The following TCF4 variants were observed in gnomAD, a reference collection of about 807,000 sequenced individuals.
The protein encoded by TCF4 is SL3-3 enhancer factor 2.
Under a neutral mutation model 82.1 loss-of-function variants are expected in TCF4, and 3 were observed. The ratio of observed to expected loss-of-function variants is 0.04; its 90% confidence interval spans 0.02 to 0.09. The LOEUF is 0.09. Ranked by LOEUF, TCF4 falls within the 10% of genes least tolerant of loss-of-function variation. The probability of loss-of-function intolerance (pLI) is 1.00; values close to 1 mark genes in which losing one functional copy is unlikely to be tolerated. For synonymous variants in TCF4, 276 were observed against 309.6 expected, an observed-to-expected ratio of 0.89 and a Z score of 1.14; for missense variants, 518 against 852.7, an observed-to-expected ratio of 0.61 and a Z score of 4.89.
intron 3 of TCF4, among the ~76,000 whole-genome samples, chr18:55,581,218 A>T (rs2147780291): frequency 6.6e-6 from 1 of 152,188 alleles, no homozygotes; most frequent in South Asian, 2.1e-4. Flanking sequence ...GACAGCAGTG[A>T]GACCAAGGTT....
chr18:55,514,625 G>T (rs1429323381), intron 3 of TCF4, among the ~76,000 whole-genome samples: 1 of 152,130 alleles, frequency 6.6e-6, no homozygotes, highest in Non-Finnish European at 1.5e-5. Flanking sequence ...TGTTCTTACA[G>T]GTTCATCACA....
chr18:55,479,049 A>G (rs1031459261), intron 3 of TCF4, among the ~76,000 whole-genome samples: 2 of 151,896 alleles, frequency 1.3e-5, no homozygotes, highest in East Asian at 2.0e-4. Flanking sequence ...TTGCATTAAC[A>G]TTTTCCCTTT....
intron 8 of TCF4, among the ~76,000 whole-genome samples, chr18:55,333,817 C>T (rs768578285): frequency 1.3e-5 from 2 of 152,148 alleles, no homozygotes; most frequent in Non-Finnish European, 2.9e-5. Flanking sequence ...TGTTTTTGCT[C>T]TCTGTTGTTG....
chr18:55,463,175 G>T (rs2095907255), intron 4 of TCF4, among the ~76,000 whole-genome samples: 1 of 152,172 alleles, frequency 6.6e-6, no homozygotes, highest in Non-Finnish European at 1.5e-5. Context: ...CTGGGGCATT[G>T]TATGTACATC....
chr18:55,631,262 C>T, intron 2 of TCF4: 1 of 937,380 alleles, frequency 1.1e-6, no homozygotes, highest in Non-Finnish European at 1.6e-6. Context: ...GTTGGCCAGG[C>T]TGTCTTGAAC....
chr18:55,623,463 C>T (rs551053873), intron 2 of TCF4, among the ~76,000 whole-genome samples: 2 of 152,136 alleles, frequency 1.3e-5, no homozygotes, highest in African/African-American at 2.4e-5. Context: ...ATTTTTTAAA[C>T]TGTATATATG....
chr18:55,536,326 T>C (rs2146841488), intron 3 of TCF4, among the ~76,000 whole-genome samples: 1 of 152,304 alleles, frequency 6.6e-6, no homozygotes, highest in African/African-American at 2.4e-5. Context: ...CAAACGTACA[T>C]TCATATTTAA....
chr18:55,288,142 G>C (rs2064129942), intron 8 of TCF4, among the ~76,000 whole-genome samples: 2 of 152,136 alleles, frequency 1.3e-5, no homozygotes, highest in African/African-American at 2.4e-5. Context: ...TGACGTCATA[G>C]TGATGTTATC....
At chr18:55,262,200 T>A (rs1766636601) in intron 11 of TCF4, among the ~76,000 whole-genome samples, 1 of 152,204 alleles carries the variant, frequency 6.6e-6, no homozygotes, top group South Asian at 2.1e-4. Context: ...ATGAAGCTTA[T>A]CTCTACTGCC....
chr18:55,557,728 T>C (rs2097316693), intron 3 of TCF4, among the ~76,000 whole-genome samples: 1 of 152,210 alleles, frequency 6.6e-6, no homozygotes, highest in Non-Finnish European at 1.5e-5. Context: ...TATTCTTTAC[T>C]GCCTTCCCCA....
intron 3 of TCF4, among the ~76,000 whole-genome samples, chr18:55,572,301 A>G (rs1268084731): frequency 1.3e-5 from 2 of 152,244 alleles, no homozygotes; most frequent in African/African-American, 4.8e-5. Flanking sequence ...TCTGTTCTTC[A>G]ACTTCAACAG....
At chr18:55,623,197 G>T (rs2097723234) in intron 2 of TCF4, among the ~76,000 whole-genome samples, 1 of 152,048 alleles carries the variant, frequency 6.6e-6, no homozygotes, top group South Asian at 2.1e-4. Flanking sequence ...ATAATAATGT[G>T]TGGTCACTAT....
intron 3 of TCF4, among the ~76,000 whole-genome samples, chr18:55,472,664 A>G (rs906956560): frequency 1.3e-5 from 2 of 152,194 alleles, no homozygotes; most frequent in African/African-American, 4.8e-5. Context: ...CTTAACTAAG[A>G]CAGTTTTCTT....
intron 5 of TCF4, among the ~76,000 whole-genome samples, chr18:55,436,744 C>A (rs753945158): frequency 6.6e-6 from 1 of 152,192 alleles, no homozygotes; most frequent in Admixed American, 6.5e-5. Context: ...GAAAAACCCA[C>A]ACAGACAAAA....
intron 3 of TCF4, among the ~76,000 whole-genome samples, chr18:55,563,374 C>T (rs1045016184): frequency 6.6e-6 from 1 of 151,878 alleles, no homozygotes; most frequent in South Asian, 2.1e-4. Flanking sequence ...TTTTCTCATC[C>T]GTGAATTCAA....
chr18:55,635,801 C>T, exon 1 of TCF4: 2 of 1,553,328 alleles, frequency 1.3e-6, no homozygotes, highest in Non-Finnish European at 8.7e-7. Flanking sequence ...TGGCTTTCAA[C>T]TGCACCCTCC....
chr18:55,595,130 GC>G, intron 2 of TCF4, among the ~76,000 whole-genome samples: 1 of 152,322 alleles, frequency 6.6e-6, no homozygotes, highest in East Asian at 1.9e-4. Flanking sequence ...ATTAGAAGGA[GC>G]CTTCTCTGAG....
intron 3 of TCF4, among the ~76,000 whole-genome samples, chr18:55,563,147 G>A (rs929579718): frequency 6.6e-6 from 1 of 150,766 alleles, no homozygotes; most frequent in Non-Finnish European, 1.5e-5. Flanking sequence ...GTTGAGGTGG[G>A]AGGATCACCT....
chr18:55,338,543 G>C (rs2079136757), intron 8 of TCF4, among the ~76,000 whole-genome samples: 1 of 152,110 alleles, frequency 6.6e-6, no homozygotes, highest in South Asian at 2.1e-4. Context: ...ATAAGAAAAA[G>C]AGTCATTTTC....
Sources: gnomAD v4.1 joint callset for allele counts (sites outside exome capture counted in the v4.1 genomes callset) on GRCh38, gnomAD v4.1.1 for gene constraint, MANE v1.5 for transcripts, NCBI Gene and HGNC (gene_info 2026-07-23, HGNC 2026-07-21) for gene names.